Variants in SH3GL2 observed in about 807,000 individuals in gnomAD.
The protein encoded by SH3GL2 is endophilin-A1.
In SH3GL2, 24 loss-of-function variants were observed where a neutral mutation model predicts 46.0. That is an observed-to-expected ratio of 0.52 (90% CI 0.38 to 0.73). SH3GL2 has a LOEUF of 0.73. Ranked by LOEUF, SH3GL2 falls within the 30% of genes least tolerant of loss-of-function variation. The pLI is 0.00. For missense variants in SH3GL2, 413 were observed against 424.2 expected (o/e 0.97, Z 0.23); for synonymous variants, 196 against 147.1 (o/e 1.33, Z -2.40).
rs544324443 is a variant in SH3GL2, at chr9:17,579,385, C to T, written c.45+98C>T. On this transcript the variant is annotated intron_variant, in intron 1 of 8. Coordinates refer to ENST00000380607, the MANE Select transcript of SH3GL2 (RefSeq NM_003026.5). Reference sequence around the variant, plus strand: ...TCCGGCGGCAGCTTGGGGAGTTCGGCACCGAGCCTCGCCCGCGCCGGCCGC... The same window carrying T: ...TCCGGCGGCAGCTTGGGGAGTTCGGTACCGAGCCTCGCCCGCGCCGGCCGC... 1.0e-5 allele frequency: 7 copies of T among 678,990 alleles called. No homozygotes were observed. The Admixed American group carries it at 1.4e-4, about 13-fold the overall frequency. 42.1% of individuals were successfully genotyped at this position (678,990 alleles called of 1,614,324 possible). A position where few individuals can be genotyped will look rare whatever the true frequency, so the allele number is the denominator to read the frequency against.
At chr9:17,617,355 T>C (rs1819028048) in intron 1 of SH3GL2, among the ~76,000 whole-genome samples, 1 of 152,158 alleles carries the variant, frequency 6.6e-6, no homozygotes, top group African/African-American at 2.4e-5. Context: ...GGGAATTAGA[T>C]CTCTATCATT....
chr9:17,606,114 A>G (rs890255287), intron 1 of SH3GL2, among the ~76,000 whole-genome samples: 2 of 140,554 alleles, frequency 1.4e-5, no homozygotes, highest in Non-Finnish European at 3.2e-5. Context: ...TGTTTTTGAG[A>G]TGGAGTCTCA....
intron 2 of SH3GL2, among the ~76,000 whole-genome samples, chr9:17,748,673 A>G (rs1400093330): frequency 6.6e-6 from 1 of 152,036 alleles, no homozygotes; most frequent in Non-Finnish European, 1.5e-5. Context: ...ATGAACCAGG[A>G]GGTAGGATAT....
chr9:17,689,097 T>C (rs1821001830), intron 1 of SH3GL2, among the ~76,000 whole-genome samples: 1 of 152,070 alleles, frequency 6.6e-6, no homozygotes, highest in African/African-American at 2.4e-5. Context: ...TCCCTTAATA[T>C]GATGTGATGA....
At chr9:17,756,688 G>T (rs897831460) in intron 2 of SH3GL2, among the ~76,000 whole-genome samples, 1 of 152,012 alleles carries the variant, frequency 6.6e-6, no homozygotes, top group African/African-American at 2.4e-5. Flanking sequence ...GTATTCCATG[G>T]TGTATATGTG....
intron 1 of SH3GL2, among the ~76,000 whole-genome samples, chr9:17,696,852 C>T (rs931427067): frequency 2.0e-5 from 3 of 152,268 alleles, no homozygotes; most frequent in Non-Finnish European, 4.4e-5. Context: ...GATGCTAAAA[C>T]CAAAATTGCT....
At chr9:17,684,249 A>G (rs533519540) in intron 1 of SH3GL2, among the ~76,000 whole-genome samples, 1 of 152,272 alleles carries the variant, frequency 6.6e-6, no homozygotes, top group African/African-American at 2.4e-5. Context: ...GAGATTACAA[A>G]AAAGAGTGAA....
chr9:17,657,115 A>G (rs1292887046), intron 1 of SH3GL2, among the ~76,000 whole-genome samples: 2 of 152,230 alleles, frequency 1.3e-5, no homozygotes, highest in Non-Finnish European at 2.9e-5. Context: ...AGAGAAAAGT[A>G]GTCTGAAAAG....
chr9:17,759,495 A>T (rs535835854), intron 2 of SH3GL2, among the ~76,000 whole-genome samples: 8 of 152,262 alleles, frequency 5.3e-5, no homozygotes, highest in African/African-American at 1.7e-4. Flanking sequence ...CAAGAAGTAT[A>T]GGATGGTCAT....
chr9:17,753,108 C>A (rs9406690), intron 2 of SH3GL2, among the ~76,000 whole-genome samples: 1 of 152,042 alleles, frequency 6.6e-6, no homozygotes, highest in Non-Finnish European at 1.5e-5. Context: ...CAGTCTCTCA[C>A]TGATGGGCAT....
chr9:17,639,168 A>G lies in SH3GL2; in HGVS notation c.45+59881A>G, dbSNP rs1819614238. ...ATTAGATTATGGAAAGATTTATTTT[A>G]AAAGACATGGAAGGCATGAACTGCA... On this transcript the variant is annotated intron_variant, in intron 1 of 8. Coordinates refer to ENST00000380607, the MANE Select transcript of SH3GL2 (RefSeq NM_003026.5). Among the ~76,000 whole-genome samples, 3 of 152,354 alleles carry G rather than the reference A, an allele frequency of 2.0e-5. No homozygotes were observed. The East Asian group carries it at 5.8e-4, about 29-fold the overall frequency.
At chr9:17,760,006 GGTT>G (rs1823122219) in intron 2 of SH3GL2, among the ~76,000 whole-genome samples, 1 of 152,084 alleles carries the variant, frequency 6.6e-6, no homozygotes, top group Non-Finnish European at 1.5e-5. Flanking sequence ...AGTACATAGT[GGTT>G]GTTTGGAATT....
rs1818847870 is a variant in SH3GL2 at position 17,610,793 on chromosome 9, CTG to C, written c.45+31509_45+31510del. ...CTAGCTTGCTGACCCAGAAATTGAA[CTG>C]TGATTAAAAAATAGGGCAGTGCCCC... is the stretch of plus-strand genomic sequence containing the variant. On this transcript the variant is annotated intron_variant, in intron 1 of 8. Coordinates refer to ENST00000380607, the MANE Select transcript of SH3GL2 (RefSeq NM_003026.5). Among the ~76,000 whole-genome samples, 5 of 152,112 alleles carry C rather than the reference CTG, an allele frequency of 3.3e-5. No homozygotes were observed. The South Asian group carries it at 1.0e-3, about 32-fold the overall frequency.
chr9:17,604,754 A>G lies in SH3GL2; in HGVS notation c.45+25467A>G, dbSNP rs1244189251. Among the ~76,000 whole-genome samples the G allele has an allele frequency of 2.0e-5, 3 of 152,090 alleles. No individual in the cohort carries two copies. In the East Asian group the frequency reaches 5.8e-4, roughly 29 times the overall value. On this transcript the variant is annotated intron_variant, in intron 1 of 8. Coordinates refer to ENST00000380607, the MANE Select transcript of SH3GL2 (RefSeq NM_003026.5). ...GCAGCCTGGAGGGCTGGCATCTACT[A>G]AGGCGTGGTCTTCAAGGGCGGTGCT...
chr9:17,614,295 G>GGAAAAAAAAAAAAAAAA (rs762920242), intron 1 of SH3GL2, among the ~76,000 whole-genome samples: 17 of 70,300 alleles, frequency 2.4e-4, no homozygotes, highest in African/African-American at 6.9e-4. Context: ...CATGGTTTCT[G>GGAAAAAAAAAAAAAAAA]AAAAAAAAAA....
At chr9:17,773,026 C>A (rs1161771575) in intron 3 of SH3GL2, among the ~76,000 whole-genome samples, 2 of 152,024 alleles carry the variant, frequency 1.3e-5, no homozygotes, top group Admixed American at 1.3e-4. Flanking sequence ...TGTTTACCAT[C>A]CTTATGAGTG....
chr9:17,679,963 A>G (rs1181250030), intron 1 of SH3GL2, among the ~76,000 whole-genome samples: 2 of 152,178 alleles, frequency 1.3e-5, no homozygotes, highest in Non-Finnish European at 2.9e-5. Flanking sequence ...CCAGCCTTGC[A>G]TCCCTGGGAT....
intron 1 of SH3GL2, among the ~76,000 whole-genome samples, chr9:17,645,995 A>G (rs962679941): frequency 6.6e-6 from 1 of 151,990 alleles, no homozygotes; most frequent in Non-Finnish European, 1.5e-5. Flanking sequence ...TTTCCCCATC[A>G]CTTTCAGATA....
At chr9:17,772,810 T>C (rs1228736641) in intron 3 of SH3GL2, among the ~76,000 whole-genome samples, 1 of 152,206 alleles carries the variant, frequency 6.6e-6, no homozygotes, top group East Asian at 1.9e-4. Context: ...ACCATGAGTA[T>C]ACAAATATCA....
Sources: gnomAD v4.1 joint callset for allele counts (sites outside exome capture counted in the v4.1 genomes callset) on GRCh38, gnomAD v4.1.1 for gene constraint, MANE v1.5 for transcripts, NCBI Gene and HGNC (gene_info 2026-07-23, HGNC 2026-07-21) for gene names.